The following DGKB variants were observed in gnomAD, a reference collection of about 807,000 sequenced individuals.
DGKB encodes diacylglycerol kinase beta.
A neutral mutation model predicts 114.3 loss-of-function variants in DGKB; 67 were observed. The observed-to-expected ratio is 0.59, with a 90% CI of 0.48 to 0.72. The LOEUF (loss-of-function observed/expected upper bound fraction) is 0.72. DGKB is among the 30% of genes least tolerant of loss of function. The pLI, the probability that DGKB is intolerant of heterozygous loss-of-function variation, is 0.00. For missense variants in DGKB, 907 were observed against 975.2 expected (o/e 0.93, Z 0.93); for synonymous variants, 398 against 323.1 (o/e 1.23, Z -2.49).
chr7:14,744,759 G>A lies in DGKB; in HGVS notation c.169-8565C>T, dbSNP rs553218777. On this transcript the variant is annotated intron_variant, in intron 4 of 25. Coordinates refer to ENST00000402815, the MANE Select transcript of DGKB (RefSeq NM_001350709.2). ...CATGAATTGTTTTTAACAAAAATGA[G>A]GACTGGGGAGATAAAAATTATGTTT... Among the ~76,000 whole-genome samples, 46 of 152,262 alleles carry A rather than the reference G, an allele frequency of 3.0e-4. No individual in the cohort carries two copies. The South Asian group carries it at 8.1e-3, about 27-fold the overall frequency.
chr7:14,900,148 T>A lies in DGKB; in HGVS notation c.-188+2444A>T, dbSNP rs78963198. On this transcript the variant is annotated intron_variant, in intron 1 of 25. Transcript: ENST00000402815. ...ACGAACAAAGCACATGAGAAAATAA[T>A]CCAGGGCTATCAAGTAGTTGAACCT... Among the ~76,000 whole-genome samples, 651 of 152,204 alleles carry A rather than the reference T, an allele frequency of 4.3e-3. 5 individuals are homozygous for A. Among genetic ancestry groups the A allele is most frequent in the African/African-American group, 0.015 (619 of 41,538 alleles).
Position 14,951,588 on chromosome 7 carries a change from A to C in DGKB, c.-188+23108T>G, listed in dbSNP as rs111769036. ...TATATAATACAATAATAGTGAATAC[A>C]TATCATTATATATTTGTCAAAACCA... is the stretch of plus-strand genomic sequence containing the variant. On this transcript the variant is annotated intron_variant, in intron 1 of 4. Coordinates refer to the DGKB transcript ENST00000437998. Among the ~76,000 whole-genome samples the C allele has an allele frequency of 5.5e-3, 833 of 152,152 alleles. 9 individuals are homozygous for C. The highest frequency in any genetic ancestry group is 0.019 in the African/African-American group (779 of 41,542).
chr7:14,895,080 T>A (rs147700363), intron 1 of DGKB, among the ~76,000 whole-genome samples: 1 of 151,550 alleles, frequency 6.6e-6, no homozygotes, highest in Admixed American at 6.6e-5. Flanking sequence ...ACAGGTTGTT[T>A]ATGTGCAGCC....
At chr7:14,379,760 G>A (rs960850540) in intron 21 of DGKB, among the ~76,000 whole-genome samples, 29 of 152,064 alleles carry the variant, frequency 1.9e-4, no homozygotes, top group African/African-American at 6.8e-4. Flanking sequence ...GGGTTTCACC[G>A]TGTTAGCGAG....
intron 23 of DGKB, among the ~76,000 whole-genome samples, chr7:14,275,991 T>C (rs1798932447): frequency 6.6e-6 from 1 of 152,218 alleles, no homozygotes; most frequent in Non-Finnish European, 1.5e-5. Flanking sequence ...TCTTCTTGCT[T>C]TTAGTTGCTA....
chr7:14,212,753 C>G (rs575004323), intron 23 of DGKB, among the ~76,000 whole-genome samples: 1 of 152,110 alleles, frequency 6.6e-6, no homozygotes, highest in Admixed American at 6.6e-5. Flanking sequence ...TCTTTGCCAC[C>G]AAAATACTTT....
rs573320015 is a variant in DGKB at position 14,848,002 on chromosome 7, T to C, written c.-187-6552A>G. 3.9e-5 allele frequency among the ~76,000 whole-genome samples: 6 copies of C among 152,282 alleles called. No homozygotes were observed. In the South Asian group the frequency reaches 1.2e-3, roughly 32 times the overall value. On this transcript the variant is annotated intron_variant, in intron 1 of 25. Coordinates refer to ENST00000402815, the MANE Select transcript of DGKB (RefSeq NM_001350709.2). ...TAATTGAGATTATTAGAGGCCATGT[T>C]AAGGACAGTACAATTTGTCATAAGT...
At chr7:14,674,445 T>C (rs970977738) in intron 12 of DGKB, among the ~76,000 whole-genome samples, 1 of 152,140 alleles carries the variant, frequency 6.6e-6, no homozygotes, top group Non-Finnish European at 1.5e-5. Flanking sequence ...TATTAATTTA[T>C]TGGACCTAGT....
At chr7:14,390,021 C>A (rs1821081661) in intron 21 of DGKB, among the ~76,000 whole-genome samples, 1 of 152,096 alleles carries the variant, frequency 6.6e-6, no homozygotes, top group Non-Finnish European at 1.5e-5. Flanking sequence ...ATTCAAAGTT[C>A]TACTGGTTGG....
At chr7:14,368,420 T>C (rs887474522) in intron 21 of DGKB, among the ~76,000 whole-genome samples, 30 of 152,102 alleles carry the variant, frequency 2.0e-4, no homozygotes, top group Admixed American at 3.3e-4. Flanking sequence ...AAATGAGATA[T>C]AGGTAAAGTA....
At chr7:14,612,944 TTATAA>T (rs1277947381) in intron 16 of DGKB, among the ~76,000 whole-genome samples, 2 of 152,132 alleles carry the variant, frequency 1.3e-5, no homozygotes, top group South Asian at 2.1e-4. Context: ...CAGAAAATCA[TTATAA>T]TATATTTTGC....
intron 13 of DGKB, among the ~76,000 whole-genome samples, chr7:14,654,108 A>C (rs1450509216): frequency 1.3e-5 from 2 of 152,076 alleles, no homozygotes; most frequent in Non-Finnish European, 2.9e-5. Context: ...CCTCCTTGTA[A>C]ATGAGATAAT....
At chr7:14,385,834 A>G (rs1239197182) in intron 21 of DGKB, among the ~76,000 whole-genome samples, 2 of 152,276 alleles carry the variant, frequency 1.3e-5, no homozygotes, top group African/African-American at 4.8e-5. Context: ...AGTAGTAGTG[A>G]GTACAAATAA....
chr7:14,213,561 A>G (rs1788482724), intron 23 of DGKB, among the ~76,000 whole-genome samples: 1 of 152,180 alleles, frequency 6.6e-6, no homozygotes, highest in African/African-American at 2.4e-5. Flanking sequence ...CTAACTCTTC[A>G]GTATAATAGC....
chr7:14,318,371 T>A (rs1807038915), intron 23 of DGKB, among the ~76,000 whole-genome samples: 1 of 151,816 alleles, frequency 6.6e-6, no homozygotes, highest in Admixed American at 6.6e-5. Context: ...GGGAGAAAAT[T>A]TTCGCAACCT....
chr7:14,322,697 C>T (rs1298018760), intron 23 of DGKB, among the ~76,000 whole-genome samples: 1 of 151,928 alleles, frequency 6.6e-6, no homozygotes, highest in Admixed American at 6.6e-5. Context: ...TATTTGCAAC[C>T]CATAGAGAAC....
intron 1 of DGKB, among the ~76,000 whole-genome samples, chr7:14,941,568 G>A (rs973773437): frequency 6.6e-6 from 1 of 152,044 alleles, no homozygotes; most frequent in Non-Finnish European, 1.5e-5. Context: ...TACTTGTGAA[G>A]ATGGTTTACA....
intron 2 of DGKB, among the ~76,000 whole-genome samples, chr7:14,802,011 G>A (rs146874065): frequency 6.6e-6 from 1 of 151,418 alleles, no homozygotes; most frequent in African/African-American, 2.4e-5. Flanking sequence ...TTGTTTTCCT[G>A]GAGAGAAACA....
chr7:14,842,390 G>T (rs559018563), intron 1 of DGKB, among the ~76,000 whole-genome samples: 73 of 151,976 alleles, frequency 4.8e-4, no homozygotes, highest in African/African-American at 1.7e-3. Context: ...TGTTCTTTTT[G>T]GTCTCGTGGG....
Sources: gnomAD v4.1 joint callset for allele counts (sites outside exome capture counted in the v4.1 genomes callset) on GRCh38, gnomAD v4.1.1 for gene constraint, MANE v1.5 for transcripts, NCBI Gene and HGNC (gene_info 2026-07-23, HGNC 2026-07-21) for gene names.